SASH1: variants seen among roughly 807,000 people sequenced by gnomAD.
The protein encoded by SASH1 is SAM and SH3 domain containing 1.
SASH1 carries 44 observed loss-of-function variants against 125.2 expected under a neutral mutation model. The observed-to-expected ratio is 0.35, with a 90% CI of 0.28 to 0.45. SASH1 has a LOEUF of 0.45. SASH1 is among the 20% of genes least tolerant of loss of function. The probability of loss-of-function intolerance (pLI) is 1.00; values close to 1 mark genes in which losing one functional copy is unlikely to be tolerated. For missense variants in SASH1, 1,426 were observed against 1,614.5 expected, an observed-to-expected ratio of 0.88 and a Z score of 2.00; for synonymous variants, 639 against 649.1, an observed-to-expected ratio of 0.98 and a Z score of 0.24.
chr6:148,489,087 G>A (rs1778993792), intron 8 of SASH1, among the ~76,000 whole-genome samples: 1 of 152,104 alleles, frequency 6.6e-6, no homozygotes, highest in South Asian at 2.1e-4. Flanking sequence ...TTTTCTGAGG[G>A]TTTCATAGTT....
intron 1 of SASH1, among the ~76,000 whole-genome samples, chr6:148,372,893 T>C (rs1200225692): frequency 2.6e-5 from 4 of 151,604 alleles, no homozygotes; most frequent in Non-Finnish European, 4.4e-5. Flanking sequence ...GGTGAAAAAA[T>C]GGTAAGAAGA....
chr6:148,454,941 A>G (rs2115055178), intron 4 of SASH1, among the ~76,000 whole-genome samples: 1 of 152,352 alleles, frequency 6.6e-6, no homozygotes, highest in South Asian at 2.1e-4. Flanking sequence ...AGCTTTGCCC[A>G]AATAAAACCT....
chr6:148,551,225 G>C lies in SASH1; in HGVS notation c.*2667G>C, dbSNP rs572583412. 6.6e-6 allele frequency: 1 copy of C among 152,670 alleles called. No homozygotes were observed. The highest frequency in any genetic ancestry group is 2.4e-5 in the African/African-American group (1 of 41,538). 9.5% of individuals were successfully genotyped at this position (152,670 alleles called of 1,614,324 possible). ...TTGGGTGTGACGTTTGACTGAGGTG[G>C]ATTGGGGCTGCCTGTGGACATTAGT... is the stretch of plus-strand genomic sequence containing the variant. On this transcript the variant is annotated 3_prime_UTR_variant, in exon 20 of 20. Transcript: ENST00000367467.
chr6:148,311,119 C>A (rs1264253949), intron 1 of SASH1, among the ~76,000 whole-genome samples: 3 of 148,224 alleles, frequency 2.0e-5, no homozygotes, highest in African/African-American at 7.5e-5. Context: ...TCTTTTTTTT[C>A]CCCCCAAGAC....
chr6:148,485,719 G>A (rs1004047851), intron 7 of SASH1, among the ~76,000 whole-genome samples: 5 of 152,240 alleles, frequency 3.3e-5, no homozygotes, highest in South Asian at 2.1e-4. Flanking sequence ...AAAGAATTTC[G>A]CAGGTTGAAA....
chr6:148,411,186 A>G (rs1369200646), intron 2 of SASH1, among the ~76,000 whole-genome samples: 1 of 149,822 alleles, frequency 6.7e-6, no homozygotes, highest in African/African-American at 2.4e-5. Flanking sequence ...AAAAAAAAAA[A>G]AAAAAAAAAA....
chr6:148,494,215 CTTA>C lies in SASH1; in HGVS notation c.729+6503_729+6505del, dbSNP rs1456438039. On this transcript the variant is annotated intron_variant, in intron 8 of 19. Transcript: ENST00000367467. ...AAATGAAAGGTCATTTGATGGCAAT[CTTA>C]TTTAAAATTTTTTAAGAATATATAT... 6.6e-5 allele frequency among the ~76,000 whole-genome samples: 10 copies of C among 152,144 alleles called. No individual in the cohort carries two copies. The South Asian group carries it at 1.9e-3, about 28-fold the overall frequency.
intron 8 of SASH1, among the ~76,000 whole-genome samples, chr6:148,489,359 G>A (rs1221952841): frequency 6.6e-6 from 1 of 152,054 alleles, no homozygotes; most frequent in Non-Finnish European, 1.5e-5. Context: ...ATGCTGTTTT[G>A]ATTACCATAG....
At chr6:148,355,080 T>C (rs957806354) in intron 1 of SASH1, among the ~76,000 whole-genome samples, 4 of 152,136 alleles carry the variant, frequency 2.6e-5, no homozygotes, top group Non-Finnish European at 4.4e-5. Flanking sequence ...TTACATAAAT[T>C]GTTATTTTGG....
intron 2 of SASH1, among the ~76,000 whole-genome samples, chr6:148,390,926 G>A (rs924231762): frequency 1.3e-5 from 2 of 150,896 alleles, no homozygotes; most frequent in African/African-American, 2.4e-5. Context: ...TCCAGCTTTC[G>A]TTCCTTTTTT....
intron 2 of SASH1, among the ~76,000 whole-genome samples, chr6:148,431,208 T>C (rs1776045265): frequency 6.6e-6 from 1 of 152,072 alleles, no homozygotes; most frequent in Non-Finnish European, 1.5e-5. Flanking sequence ...CAATAGATTT[T>C]TTTTTTTTTT....
intron 6 of SASH1, among the ~76,000 whole-genome samples, chr6:148,472,650 A>G (rs116464990): frequency 0.019 from 2,916 of 152,274 alleles, 82 homozygotes; most frequent in African/African-American, 0.062. Flanking sequence ...AGCACACGCT[A>G]TTATTCTCCC....
chr6:148,230,861 A>T, the SASH1 span, among the ~76,000 whole-genome samples: 2 of 152,130 alleles, frequency 1.3e-5, no homozygotes, highest in African/African-American at 4.8e-5. Flanking sequence ...AGAGTTATTT[A>T]TTTATTCTGA....
At chr6:148,536,935 T>C (rs1562494862) in intron 16 of SASH1, among the ~76,000 whole-genome samples, 1 of 152,224 alleles carries the variant, frequency 6.6e-6, no homozygotes, top group Non-Finnish European at 1.5e-5. Context: ...AGAACGTCCC[T>C]GATAGATAAA....
intron 1 of SASH1, among the ~76,000 whole-genome samples, chr6:148,284,738 A>G (rs1228751143): frequency 3.3e-5 from 5 of 152,164 alleles, no homozygotes; most frequent in African/African-American, 7.2e-5. Flanking sequence ...AATTTGCCCA[A>G]TCATTCTTCT....
At chr6:148,315,784 G>A (rs1582954929) in intron 1 of SASH1, among the ~76,000 whole-genome samples, 1 of 152,164 alleles carries the variant, frequency 6.6e-6, no homozygotes, top group East Asian at 1.9e-4. Flanking sequence ...CACGCTTGTA[G>A]TCCCAGCTGT....
chr6:148,399,854 AG>A (rs1423216206), intron 2 of SASH1, among the ~76,000 whole-genome samples: 10 of 152,182 alleles, frequency 6.6e-5, no homozygotes, highest in Admixed American at 5.9e-4. Flanking sequence ...AGGACCATTC[AG>A]GGGGTGAACG....
intron 8 of SASH1, among the ~76,000 whole-genome samples, chr6:148,497,986 T>C (rs528237873): frequency 6.6e-6 from 1 of 152,238 alleles, no homozygotes; most frequent in African/African-American, 2.4e-5. Flanking sequence ...GCAGGCCCAT[T>C]TGGCTCTTTG....
At chr6:148,387,562 T>TTC (rs1783437780) in intron 1 of SASH1, among the ~76,000 whole-genome samples, 1 of 146,862 alleles carries the variant, frequency 6.8e-6, no homozygotes, top group East Asian at 2.0e-4. Flanking sequence ...CCTTTCTTTC[T>TTC]TTTCTCTTTC....
Sources: gnomAD v4.1 joint callset for allele counts (sites outside exome capture counted in the v4.1 genomes callset) on GRCh38, gnomAD v4.1.1 for gene constraint, MANE v1.5 for transcripts, NCBI Gene and HGNC (gene_info 2026-07-23, HGNC 2026-07-21) for gene names.